The following CCDC57 variants were observed in gnomAD, a reference collection of about 807,000 sequenced individuals.
CCDC57 encodes the protein coiled-coil domain-containing protein 57.
CCDC57 carries 118 observed loss-of-function variants against 118.9 expected under a neutral mutation model. The ratio of observed to expected loss-of-function variants is 0.99; its 90% CI spans 0.86 to 1.16. The LOEUF (loss-of-function observed/expected upper bound fraction) is 1.16. CCDC57 is among the 50% of genes most tolerant of loss of function. The pLI is 0.00. For synonymous variants in CCDC57, 527 were observed against 532.9 expected, an observed-to-expected ratio of 0.99 and a Z score of 0.15; for missense variants, 1,300 against 1,320.7, an observed-to-expected ratio of 0.98 and a Z score of 0.24.
chr17:82,193,937 G>C (rs775853864), intron 6 of CCDC57, 45 bp downstream of exon 5: 1 of 1,588,184 alleles, frequency 6.3e-7, no homozygotes, highest in African/African-American at 1.3e-5. Flanking sequence ...CCTGGCCTGC[G>C]AGGCTGCCAC....
chr17:82,171,602 G>A (rs2044746671), intron 13 of CCDC57, 99 bp downstream of exon 12: 2 of 1,334,880 alleles, frequency 1.5e-6, no homozygotes, highest in Non-Finnish European at 1.0e-6. Flanking sequence ...AACGTCTGCA[G>A]TAGCCTTGAG....
intron 16 of CCDC57, among the ~76,000 whole-genome samples, chr17:82,142,090 T>A (rs748432683): frequency 1.3e-4 from 20 of 152,240 alleles, no homozygotes; most frequent in Non-Finnish European, 2.9e-4. Context: ...TCTGTCCAGT[T>A]TCCTCATTGT....
intron 19 of CCDC57, among the ~76,000 whole-genome samples, chr17:82,122,870 A>T (rs1046355094): frequency 6.6e-6 from 1 of 152,176 alleles, no homozygotes; most frequent in African/African-American, 2.4e-5. Flanking sequence ...CCACATCTTC[A>T]TAAATACGGC....
At chr17:82,191,944 A>G (rs2047712781) in intron 7 of CCDC57, among the ~76,000 whole-genome samples, 1 of 151,396 alleles carries the variant, frequency 6.6e-6, no homozygotes, top group Non-Finnish European at 1.5e-5. Flanking sequence ...CTAGGATTAT[A>G]GGTGTAGGCC....
intron 8 of CCDC57, 83 bp from the exon 8 acceptor site, chr17:82,184,015 ATGCGCGCGCGCG>A (rs2046543268): frequency 1.9e-6 from 1 of 525,052 alleles, no homozygotes; most frequent in Middle Eastern, 3.0e-4. Context: ...GCAAATACAC[ATGCGCGCGCGCG>A]CGCGCACACA....
At chr17:82,127,200 AGGATGC>A (rs1447075708) in intron 19 of CCDC57, 2 of 985,318 alleles carry the variant, frequency 2.0e-6, no homozygotes, top group Non-Finnish European at 2.4e-6. Flanking sequence ...GACGAGGATG[AGGATGC>A]GGCTGACACT....
intron 19 of CCDC57, among the ~76,000 whole-genome samples, chr17:82,123,122 C>CTTTTTTT (rs34869339): frequency 1.8e-4 from 19 of 105,778 alleles, no homozygotes; most frequent in African/African-American, 4.5e-4. Context: ...CTCCTAATAA[C>CTTTTTTT]TTTTTTTTTT....
At chr17:82,182,650 G>A (rs560534149) in intron 9 of CCDC57, among the ~76,000 whole-genome samples, 5 of 150,906 alleles carry the variant, frequency 3.3e-5, no homozygotes, top group African/African-American at 7.3e-5. Context: ...CACCGCGCCC[G>A]GCCCACCAAA....
At chr17:82,136,992 G>T (rs1392011687) in intron 16 of CCDC57, among the ~76,000 whole-genome samples, 4 of 148,418 alleles carry the variant, frequency 2.7e-5, no homozygotes, top group Middle Eastern at 3.6e-3. Context: ...ATTTTGATGG[G>T]TTTGTTTCCT....
At chr17:82,145,088 T>A (rs1230475585) in intron 16 of CCDC57, among the ~76,000 whole-genome samples, 1 of 149,826 alleles carries the variant, frequency 6.7e-6, no homozygotes, top group East Asian at 2.0e-4. Context: ...AGTGGCTTGA[T>A]CTTGGCTCAC....
At chr17:82,151,802 CT>C (rs1400292425) in intron 15 of CCDC57, 29 bp from the exon 15 acceptor site, 2 of 1,538,530 alleles carry the variant, frequency 1.3e-6, no homozygotes, top group African/African-American at 1.4e-5. Flanking sequence ...GCAGACACCC[CT>C]GTGAGGCTGC....
intron 19 of CCDC57, 39 bp downstream of exon 18, chr17:82,127,653 G>T (rs1158824277): frequency 1.3e-6 from 2 of 1,555,988 alleles, no homozygotes; most frequent in Non-Finnish European, 1.7e-6. Flanking sequence ...CTCGCCAGCT[G>T]CCAGCTGTGG....
At chr17:82,153,236 G>A (rs576777290) in intron 15 of CCDC57, among the ~76,000 whole-genome samples, 28 of 152,326 alleles carry the variant, frequency 1.8e-4, no homozygotes, top group Middle Eastern at 3.4e-3. Context: ...GGGGCTGGGG[G>A]AGAGGGGCCA....
At chr17:82,111,798 G>C (rs553404680) in intron 19 of CCDC57, among the ~76,000 whole-genome samples, 1 of 152,048 alleles carries the variant, frequency 6.6e-6, no homozygotes, top group South Asian at 2.1e-4. Flanking sequence ...GTAGAGACGG[G>C]GTTTTACCAA....
At chr17:82,208,880 T>C (rs1479307554) in intron 1 of CCDC57, among the ~76,000 whole-genome samples, 1 of 152,104 alleles carries the variant, frequency 6.6e-6, no homozygotes, top group East Asian at 1.9e-4. Context: ...ATCTACTCTT[T>C]TGTTTTGAAA....
chr17:82,119,091 TG>T (rs1407967396), intron 19 of CCDC57, among the ~76,000 whole-genome samples: 1 of 10,864 alleles, frequency 9.2e-5, no homozygotes, highest in Non-Finnish European at 1.6e-4. Flanking sequence ...GGGCGGGAGG[TG>T]GGGGCGGGGG....
chr17:82,151,676 T>A lies in CCDC57; in HGVS notation c.2339A>T (p.His780Leu), dbSNP rs1424781901. 5 of 1,550,378 alleles carry A rather than the reference T, an allele frequency of 3.2e-6. No individual in the cohort carries two copies. The South Asian group carries it at 5.9e-5, about 18-fold the overall frequency. Reference sequence around the variant, plus strand: ...CTCCTTCAGCTTTCTCTGGAGTCGGTGCATAGATAAGGTCTGGGGGGCACG... The same window carrying A: ...CTCCTTCAGCTTTCTCTGGAGTCGGAGCATAGATAAGGTCTGGGGGGCACG... Residue 780 changes from histidine to leucine, a missense_variant, in exon 16 of 20, where the codon CAC (histidine) becomes CTC (leucine). His to Leu is a moderately conservative substitution (Grantham distance 99). Transcript: ENST00000665763.
rs933561543 is a variant in CCDC57 at position 82,184,023 on chromosome 17, GCGCGCGCGCACACACACACACACACACA to G, written c.1053-119_1053-92del. 34 of 384,074 alleles carry G rather than the reference GCGCGCGCGCACACACACACACACACACA, an allele frequency of 8.9e-5. 1 individual carries two copies. In the Admixed American group the frequency reaches 1.5e-3, roughly 17 times the overall value. 23.8% of individuals were successfully genotyped at this position (384,074 alleles called of 1,614,324 possible). A position where few individuals can be genotyped will look rare whatever the true frequency, so the allele number is the denominator to read the frequency against. On this transcript the variant is annotated intron_variant, in intron 8 of 19. Transcript: ENST00000665763. ...CCCCCCAGCAAATACACATGCGCGC[GCGCGCGCGCACACACACACACACACACA>G]CACACACACACACACACACACACAC...
intron 2 of CCDC57, among the ~76,000 whole-genome samples, chr17:82,203,291 G>A (rs1309133049): frequency 1.3e-5 from 2 of 152,128 alleles, no homozygotes; most frequent in Middle Eastern, 3.2e-3. Context: ...CCCCAGAAGC[G>A]GGTGCCAACA....
Sources: allele counts gnomAD v4.1 joint callset (sites outside exome capture counted in the v4.1 genomes callset), GRCh38; gene constraint gnomAD v4.1.1; transcripts MANE v1.5; gene names NCBI Gene and HGNC (gene_info 2026-07-23, HGNC 2026-07-21).